Variants in NLGN1 observed in about 807,000 individuals in gnomAD.
NLGN1 encodes the protein neuroligin 1, also known as neuroligin-1.
Under a neutral mutation model 65.5 loss-of-function variants are expected in NLGN1, and 12 were observed. The observed-to-expected ratio is 0.18, with a 90% confidence interval of 0.12 to 0.30. The LOEUF (loss-of-function observed/expected upper bound fraction) is 0.30. Among genes scored for constraint, NLGN1 ranks in the 10% least tolerant of loss-of-function variants. NLGN1 has a pLI of 1.00. For missense variants in NLGN1, 750 were observed against 1,007.1 expected, an observed-to-expected ratio of 0.74 and a Z score of 3.46; for synonymous variants, 350 against 359.5, an observed-to-expected ratio of 0.97 and a Z score of 0.30.
intron 2 of NLGN1, among the ~76,000 whole-genome samples, chr3:173,501,828 CTT>C (rs1203922267): frequency 1.3e-5 from 2 of 151,844 alleles, no homozygotes; most frequent in African/African-American, 4.8e-5. Context: ...TGATTTTTCT[CTT>C]TCTTATTAAA....
intron 3 of NLGN1, among the ~76,000 whole-genome samples, chr3:173,765,533 A>G (rs1005522856): frequency 2.6e-5 from 4 of 152,164 alleles, no homozygotes; most frequent in Non-Finnish European, 5.9e-5. Flanking sequence ...TTTTCTCAGT[A>G]ACAGCTTCCT....
chr3:174,004,790 G>T (rs146449090), intron 4 of NLGN1, among the ~76,000 whole-genome samples: 340 of 152,202 alleles, frequency 2.2e-3, no homozygotes, highest in East Asian at 9.4e-3. Flanking sequence ...ATGTTATATA[G>T]AGAGAGAGGA....
At chr3:174,033,417 A>G (rs771574478) in intron 4 of NLGN1, among the ~76,000 whole-genome samples, 2 of 152,182 alleles carry the variant, frequency 1.3e-5, no homozygotes, top group Non-Finnish European at 2.9e-5. Flanking sequence ...TTCAAGGAAA[A>G]CTTACAATGT....
chr3:174,011,118 A>G (rs1335708576), intron 4 of NLGN1, among the ~76,000 whole-genome samples: 3 of 152,200 alleles, frequency 2.0e-5, no homozygotes, highest in Non-Finnish European at 4.4e-5. Flanking sequence ...ACTGTTTCAT[A>G]TCAATTACCA....
chr3:173,417,500 C>A (rs1463550874), intron 1 of NLGN1, among the ~76,000 whole-genome samples: 2 of 151,710 alleles, frequency 1.3e-5, no homozygotes, highest in Non-Finnish European at 3.0e-5. Flanking sequence ...CAATAATTTT[C>A]TTTATAAAAT....
At chr3:174,054,700 T>C (rs1250073575) in intron 4 of NLGN1, among the ~76,000 whole-genome samples, 1 of 152,060 alleles carries the variant, frequency 6.6e-6, no homozygotes, top group African/African-American at 2.4e-5. Context: ...ATACAAGAAC[T>C]GGTCCAGACT....
chr3:173,639,950 C>A (rs1036805257), intron 3 of NLGN1, among the ~76,000 whole-genome samples: 1 of 151,722 alleles, frequency 6.6e-6, no homozygotes, highest in Non-Finnish European at 1.5e-5. Flanking sequence ...CTCTTTTCTT[C>A]TTCCCATTTC....
At chr3:173,629,226 T>C (rs1755293278) in intron 3 of NLGN1, among the ~76,000 whole-genome samples, 1 of 152,040 alleles carries the variant, frequency 6.6e-6, no homozygotes, top group Non-Finnish European at 1.5e-5. Context: ...GCATAGATCA[T>C]ATTCCCAGGC....
intron 4 of NLGN1, among the ~76,000 whole-genome samples, chr3:174,255,542 C>G (rs1000548931): frequency 6.6e-6 from 1 of 151,316 alleles, no homozygotes; most frequent in Non-Finnish European, 1.5e-5. Context: ...CTCCTTCTGA[C>G]TGCAAAGACT....
chr3:174,190,687 T>G (rs2152759562), intron 4 of NLGN1, among the ~76,000 whole-genome samples: 1 of 152,276 alleles, frequency 6.6e-6, no homozygotes, highest in East Asian at 1.9e-4. Context: ...GAAAGTTCTT[T>G]ATGTTTACAT....
At chr3:174,013,688 CTAA>C (rs1725995877) in intron 4 of NLGN1, among the ~76,000 whole-genome samples, 1 of 152,070 alleles carries the variant, frequency 6.6e-6, no homozygotes, top group African/African-American at 2.4e-5. Context: ...CATTTTGAGT[CTAA>C]TGTTTTCTTT....
At chr3:174,134,357 T>C (rs527873171) in intron 4 of NLGN1, among the ~76,000 whole-genome samples, 5 of 152,280 alleles carry the variant, frequency 3.3e-5, no homozygotes, top group Admixed American at 3.3e-4. Flanking sequence ...TGACCCATCT[T>C]ATTTGGTTAT....
chr3:173,681,842 C>T (rs1763988799), intron 3 of NLGN1, among the ~76,000 whole-genome samples: 2 of 152,148 alleles, frequency 1.3e-5, no homozygotes, highest in Admixed American at 6.5e-5. Flanking sequence ...AATAAATGCT[C>T]AATAATTTCT....
intron 3 of NLGN1, among the ~76,000 whole-genome samples, chr3:173,658,104 A>C (rs1473626346): frequency 6.6e-6 from 1 of 152,026 alleles, no homozygotes. Context: ...TTTAACAGGC[A>C]TGGTGACAGT....
intron 3 of NLGN1, among the ~76,000 whole-genome samples, chr3:173,786,804 T>C (rs1399502807): frequency 2.0e-5 from 3 of 152,110 alleles, no homozygotes; most frequent in Non-Finnish European, 4.4e-5. Context: ...GGGCAGGGCA[T>C]GGTGGCTCAC....
At chr3:173,935,624 T>A (rs12491773) in intron 4 of NLGN1, among the ~76,000 whole-genome samples, 11,275 of 48,716 alleles carry the variant, frequency 0.23, 427 homozygotes, top group East Asian at 0.47. Context: ...ACACACACAC[T>A]CTCTCTCTCT....
intron 4 of NLGN1, among the ~76,000 whole-genome samples, chr3:174,246,997 A>T (rs1561381029): frequency 6.6e-6 from 1 of 152,232 alleles, no homozygotes; most frequent in Non-Finnish European, 1.5e-5. Context: ...CATACAGAGC[A>T]AAACAATTCC....
At chr3:173,579,368 C>G (rs1168583537) in intron 2 of NLGN1, among the ~76,000 whole-genome samples, 1 of 152,200 alleles carries the variant, frequency 6.6e-6, no homozygotes, top group Non-Finnish European at 1.5e-5. Flanking sequence ...CTCAGCTACT[C>G]AGGAGGCTGA....
At chr3:173,717,412 C>G (rs1042122727) in intron 3 of NLGN1, among the ~76,000 whole-genome samples, 1 of 152,058 alleles carries the variant, frequency 6.6e-6, no homozygotes, top group South Asian at 2.1e-4. Flanking sequence ...ATTGGGAGTG[C>G]ATAAAAGGTT....
Sources: gnomAD v4.1 joint callset for allele counts (sites outside exome capture counted in the v4.1 genomes callset) on GRCh38, gnomAD v4.1.1 for gene constraint, MANE v1.5 for transcripts, NCBI Gene and HGNC (gene_info 2026-07-23, HGNC 2026-07-21) for gene names.